Variants in NUMA1 observed in about 807,000 individuals in gnomAD.
NUMA1 encodes SP-H antigen.
Under a neutral mutation model 237.1 loss-of-function variants are expected in NUMA1, and 62 were observed. That is an observed-to-expected ratio of 0.26 (90% confidence interval 0.21 to 0.32). The LOEUF (loss-of-function observed/expected upper bound fraction) is 0.32, where lower values mean the gene tolerates loss of function less well. Among genes scored for constraint, NUMA1 ranks in the 10% least tolerant of loss-of-function variants. NUMA1 has a pLI of 1.00. For missense variants in NUMA1, 2,533 were observed against 2,666.5 expected (o/e 0.95, Z 1.10); for synonymous variants, 1,028 against 1,066.1 (o/e 0.96, Z 0.70).
rs375966632 is a variant in NUMA1, at chr11:72,016,017, A to G, written c.1486T>C (p.Leu496=). The G allele has an allele frequency of 8.1e-6, 13 of 1,613,586 alleles. No individual in the cohort carries two copies. Among genetic ancestry groups the G allele is most frequent in the East Asian group, 4.5e-5 (2 of 44,868 alleles). ...EQASQAHGAR[L]TAQVASLTSE... ...GTCAGAGAGGCCACCTGGGCAGTCAACCGGGCCCCATGAGCCTGGGAGGCC... is the reference window on the plus strand; with the variant it reads ...GTCAGAGAGGCCACCTGGGCAGTCAGCCGGGCCCCATGAGCCTGGGAGGCC... The change falls in exon 15 of 27, where the codon TTG becomes CTG. Residue 496 remains leucine, a synonymous_variant. Coordinates refer to ENST00000393695, the MANE Select transcript of NUMA1 (RefSeq NM_006185.4).
chr11:72,039,142 G>A (rs1450098294), intron 2 of NUMA1, among the ~76,000 whole-genome samples: 2 of 152,210 alleles, frequency 1.3e-5, no homozygotes, highest in East Asian at 1.9e-4. Context: ...CAGCCACTCT[G>A]CCTGTACCCT....
intron 2 of NUMA1, chr11:72,041,259 G>C (rs893460009): frequency 6.6e-6 from 1 of 152,256 alleles, no homozygotes; most frequent in East Asian, 1.9e-4. Context: ...CTGGAGAGGA[G>C]GGGCTGCAAA....
At position 72,007,240 on chromosome 11, in the gene NUMA1, G is replaced by A. The variant is rs374713743; in HGVS notation, c.5412C>T (p.Thr1804=). ...GCGTGGTGCGCCGACGAGCGGAGCG[G>A]GTCTTACGACCCGAGTCCAGGAAGA... ...GDVFLDSGRK[T]RSARRRTTQI... The change falls in exon 21 of 27, where the codon ACC becomes ACT. Residue 1804 remains threonine, a synonymous_variant. Transcript: ENST00000393695. 89 of 1,613,124 alleles carry A rather than the reference G, an allele frequency of 5.5e-5. No homozygotes were observed. The highest frequency in any genetic ancestry group is 7.0e-5 in the Non-Finnish European group (83 of 1,180,016).
intron 7 of NUMA1, 131 bp downstream of exon 7, chr11:72,022,208 A>G (rs1938947343): frequency 3.4e-6 from 2 of 594,370 alleles, no homozygotes; most frequent in Admixed American, 5.7e-5. Context: ...CAGACTTTCT[A>G]TGATGAATGG....
chr11:72,035,603 G>T (rs1279317495), intron 3 of NUMA1, among the ~76,000 whole-genome samples: 1 of 151,600 alleles, frequency 6.6e-6, no homozygotes, highest in Non-Finnish European at 1.5e-5. Context: ...AGACGGGGGG[G>T]TTTCACCAGC....
chr11:72,019,716 T>C (rs1938463688), intron 8 of NUMA1, 99 bp from the exon 9 acceptor site: 2 of 1,292,334 alleles, frequency 1.5e-6, no homozygotes, highest in Non-Finnish European at 1.1e-6. Context: ...TTAGTGGGAG[T>C]ATATCCATGG....
At chr11:72,073,448 A>G (rs1943560271) in intron 1 of NUMA1, among the ~76,000 whole-genome samples, 1 of 152,222 alleles carries the variant, frequency 6.6e-6, no homozygotes, top group Admixed American at 6.5e-5. Flanking sequence ...AGATGACTCT[A>G]TGCCCCACCT....
At chr11:72,070,820 C>A (rs1022269880) in intron 1 of NUMA1, among the ~76,000 whole-genome samples, 2 of 152,158 alleles carry the variant, frequency 1.3e-5, no homozygotes, top group Non-Finnish European at 2.9e-5. Context: ...ATCTAGGAAA[C>A]GCTGCACCCC....
chr11:72,025,474 C>T (rs947398597), intron 4 of NUMA1, among the ~76,000 whole-genome samples: 2 of 152,110 alleles, frequency 1.3e-5, no homozygotes, highest in Non-Finnish European at 2.9e-5. Context: ...CCATCTCAGC[C>T]TTCAACCTAG....
intron 4 of NUMA1, among the ~76,000 whole-genome samples, chr11:72,025,876 CA>C (rs1213891581): frequency 6.6e-6 from 1 of 152,196 alleles, no homozygotes; most frequent in Non-Finnish European, 1.5e-5. Flanking sequence ...TACAGACTCC[CA>C]AATGAGCCAT....
intron 2 of NUMA1, among the ~76,000 whole-genome samples, chr11:72,051,559 C>T (rs1458943389): frequency 6.6e-6 from 1 of 151,916 alleles, no homozygotes; most frequent in South Asian, 2.1e-4. Flanking sequence ...CAACCTCCAC[C>T]TCCCAGGCTC....
Position 72,022,327 on chromosome 11 carries a change from A to G in NUMA1, c.372+12T>C, listed in dbSNP as rs1454799158. On this transcript the variant is annotated intron_variant, in intron 7 of 26. Transcript: ENST00000393695. ...TAGGCCTGCTAGGTGGCATGGAGGC[A>G]CAAGGGCTTACCTGAATTTTATATT... 1 of 1,601,438 alleles carries G rather than the reference A, an allele frequency of 6.2e-7. No individual in the cohort carries two copies. The highest frequency in any genetic ancestry group is 8.6e-7 in the Non-Finnish European group (1 of 1,169,544).
In NUMA1 at chr11:72,073,058, A is replaced by AAAAAAAAAAG. The variant is rs1332208487; in HGVS notation, c.-102-3148_-102-3147insCTTTTTTTTT. 9.8e-4 allele frequency among the ~76,000 whole-genome samples: 144 copies of AAAAAAAAAAG among 147,332 alleles called. 11 individuals carry two copies. The highest frequency in any genetic ancestry group is 3.6e-3 in the African/African-American group (143 of 40,198). Reference sequence around the variant, plus strand: ...AGCGAGACTCCGTCTCAAAAAAAAAAAAAAAAAAAAGCTGCCTAGGCCAGG... The same window carrying AAAAAAAAAAG: ...AGCGAGACTCCGTCTCAAAAAAAAAAAAAAAAAAAGAAAAAAAAAAGCTGCCTAGGCCAGG... On this transcript the variant is annotated intron_variant, in intron 1 of 26. Transcript: ENST00000393695.
intron 2 of NUMA1, among the ~76,000 whole-genome samples, chr11:72,043,174 G>C (rs1941793755): frequency 6.6e-6 from 1 of 151,052 alleles, no homozygotes; most frequent in South Asian, 2.1e-4. Flanking sequence ...GAGATGACAG[G>C]ATGTCAGAAC....
intron 16 of NUMA1, among the ~76,000 whole-genome samples, chr11:72,011,940 G>C (rs547815917): frequency 6.6e-6 from 1 of 152,272 alleles, no homozygotes; most frequent in East Asian, 1.9e-4. Context: ...TAACCTGTGG[G>C]GGCTGCCTCG....
At chr11:72,031,791 C>A (rs1488705216) in intron 3 of NUMA1, among the ~76,000 whole-genome samples, 1 of 151,310 alleles carries the variant, frequency 6.6e-6, no homozygotes, top group Non-Finnish European at 1.5e-5. Context: ...TCTAGCCTGG[C>A]CAACGGATTG....
rs772282805 is a variant in NUMA1, at chr11:72,019,643, A to G, written c.461-26T>C. ...CTGGGGGTAAGAAATAGACAAAATA[A>G]ATCAACAAAGGTTAGTAAGAAGGTG... On this transcript the variant is annotated intron_variant, in intron 8 of 26. Transcript: ENST00000393695. The G allele has an allele frequency of 5.6e-6, 9 of 1,607,040 alleles. No homozygotes were observed. In the Admixed American group the frequency reaches 1.5e-4, roughly 27 times the overall value.
chr11:72,053,836 AG>A (rs1942494842), intron 2 of NUMA1, among the ~76,000 whole-genome samples: 1 of 152,268 alleles, frequency 6.6e-6, no homozygotes, highest in Admixed American at 6.5e-5. Context: ...TCTGTACTGA[AG>A]ATGTATAAAC....
chr11:72,024,210 G>T, intron 5 of NUMA1, 64 bp downstream of exon 5: 1 of 1,464,336 alleles, frequency 6.8e-7, no homozygotes, highest in South Asian at 1.1e-5. Context: ...TAGTTCCTCT[G>T]GACTCTCCAA....
Sources: gnomAD v4.1 joint callset for allele counts (sites outside exome capture counted in the v4.1 genomes callset) on GRCh38, gnomAD v4.1.1 for gene constraint, MANE v1.5 for transcripts, NCBI Gene and HGNC (gene_info 2026-07-23, HGNC 2026-07-21) for gene names.